Variants in NALF1 observed in about 807,000 individuals in gnomAD.
NALF1 encodes NALCN channel auxiliary factor 1, also known as family with sequence similarity 155 member A.
NALF1 carries 3 observed loss-of-function variants against 48.4 expected under a neutral mutation model. That is an observed-to-expected ratio of 0.06 (90% confidence interval 0.03 to 0.16). The LOEUF (loss-of-function observed/expected upper bound fraction) is 0.16. NALF1 is among the 10% of genes least tolerant of loss of function. The probability of loss-of-function intolerance (pLI) is 1.00; values close to 1 mark genes in which losing one functional copy is unlikely to be tolerated. For missense variants in NALF1, 526 were observed against 571.5 expected (o/e 0.92, Z 0.81); for synonymous variants, 262 against 245.7 (o/e 1.07, Z -0.62).
At chr13:107,506,797 G>T (rs1594100304) in intron 1 of NALF1, among the ~76,000 whole-genome samples, 2 of 151,796 alleles carry the variant, frequency 1.3e-5, no homozygotes, top group Admixed American at 6.6e-5. Context: ...TGGACATGTG[G>T]ATCATTTCTA....
chr13:107,647,092 G>T (rs4474564), intron 1 of NALF1, among the ~76,000 whole-genome samples: 1 of 151,888 alleles, frequency 6.6e-6, no homozygotes, highest in Non-Finnish European at 1.5e-5. Flanking sequence ...TAAAGAGACT[G>T]GTTAAATACA....
intron 1 of NALF1, among the ~76,000 whole-genome samples, chr13:107,744,073 G>A (rs184202193): frequency 1.3e-5 from 2 of 152,228 alleles, no homozygotes; most frequent in Admixed American, 1.3e-4. Flanking sequence ...AAAAGACAGA[G>A]GTATATATTA....
intron 1 of NALF1, among the ~76,000 whole-genome samples, chr13:107,578,681 G>C (rs921234972): frequency 1.3e-5 from 2 of 151,820 alleles, no homozygotes; most frequent in Non-Finnish European, 2.9e-5. Context: ...ATTTTTACCT[G>C]TGTTCCATAG....
intron 1 of NALF1, among the ~76,000 whole-genome samples, chr13:107,705,176 G>A (rs939125611): frequency 1.3e-4 from 20 of 152,300 alleles, no homozygotes; most frequent in African/African-American, 4.3e-4. Flanking sequence ...TCAAGACACT[G>A]TAAATTGGTG....
intron 1 of NALF1, among the ~76,000 whole-genome samples, chr13:107,847,359 T>G (rs1050926408): frequency 6.6e-6 from 1 of 152,240 alleles, no homozygotes; most frequent in African/African-American, 2.4e-5. Context: ...GTAACGGATG[T>G]GCAAACAGTC....
chr13:107,831,789 C>T (rs1879740516), intron 1 of NALF1, among the ~76,000 whole-genome samples: 1 of 152,142 alleles, frequency 6.6e-6, no homozygotes, highest in Admixed American at 6.5e-5. Context: ...CAATGTATGC[C>T]ACCTCTCATC....
chr13:107,177,553 C>G (rs1878963452), intron 2 of NALF1, among the ~76,000 whole-genome samples: 2 of 151,468 alleles, frequency 1.3e-5, no homozygotes, highest in Non-Finnish European at 2.9e-5. Flanking sequence ...GACACATAGA[C>G]CAATGGAACA....
intron 1 of NALF1, among the ~76,000 whole-genome samples, chr13:107,525,482 A>G (rs1876400187): frequency 6.6e-6 from 1 of 152,110 alleles, no homozygotes; most frequent in Non-Finnish European, 1.5e-5. Context: ...AGAATTTCAT[A>G]GTATAGTTGT....
intron 1 of NALF1, among the ~76,000 whole-genome samples, chr13:107,643,622 G>A (rs1880225513): frequency 6.6e-6 from 1 of 151,790 alleles, no homozygotes; most frequent in East Asian, 1.9e-4. Flanking sequence ...AAAGGGGGAG[G>A]ATTATTAGAA....
chr13:107,401,754 G>A (rs1883811931), intron 1 of NALF1, among the ~76,000 whole-genome samples: 1 of 151,664 alleles, frequency 6.6e-6, no homozygotes, highest in African/African-American at 2.4e-5. Flanking sequence ...CAGCCGAAAT[G>A]GCACGTGGTT....
At chr13:107,605,419 G>A (rs762804364) in intron 1 of NALF1, among the ~76,000 whole-genome samples, 8 of 152,030 alleles carry the variant, frequency 5.3e-5, no homozygotes, top group Non-Finnish European at 1.2e-4. Context: ...TAACTAATTC[G>A]GGACTTGGCT....
intron 1 of NALF1, among the ~76,000 whole-genome samples, chr13:107,821,253 T>A (rs1374724653): frequency 3.3e-5 from 5 of 152,206 alleles, no homozygotes; most frequent in African/African-American, 1.2e-4. Flanking sequence ...TATACCCCAA[T>A]ACCTTTCAAC....
At chr13:107,695,804 G>A (rs905538782) in intron 1 of NALF1, among the ~76,000 whole-genome samples, 23 of 151,930 alleles carry the variant, frequency 1.5e-4, no homozygotes, top group African/African-American at 5.6e-4. Context: ...ATAAGATGCA[G>A]TTTTCAGCAC....
rs111671918 is a variant in NALF1, at chr13:107,567,183, A to C, written c.915+298499T>G. ...TTATTTTTTAAAAACTCAGTTTCAT[A>C]TATTTGTTTTAAAATTAAAATGAGC... On this transcript the variant is annotated intron_variant, in intron 1 of 2. Transcript: ENST00000375915. Among the ~76,000 whole-genome samples the C allele has an allele frequency of 3.5e-3, 528 of 152,278 alleles. 5 individuals are homozygous for C. Among genetic ancestry groups the C allele is most frequent in the African/African-American group, 0.011 (478 of 41,572 alleles).
chr13:107,253,261 A>G (rs1880741138), intron 1 of NALF1, among the ~76,000 whole-genome samples: 1 of 151,566 alleles, frequency 6.6e-6, no homozygotes, highest in Admixed American at 6.6e-5. Flanking sequence ...TCATCAAGTG[A>G]TAACTTTGTT....
intron 1 of NALF1, among the ~76,000 whole-genome samples, chr13:107,674,816 G>T (rs150878625): frequency 2.2e-4 from 34 of 152,244 alleles, no homozygotes; most frequent in African/African-American, 6.0e-4. Flanking sequence ...AGTCCAGGGT[G>T]GCAAAAGTGA....
chr13:107,464,499 A>C (rs1884968710), intron 1 of NALF1, among the ~76,000 whole-genome samples: 1 of 152,086 alleles, frequency 6.6e-6, no homozygotes, highest in African/African-American at 2.4e-5. Context: ...GCCATTGTTT[A>C]AATAAATGCA....
chr13:107,419,533 A>G (rs1207051415), intron 1 of NALF1, among the ~76,000 whole-genome samples: 1 of 152,206 alleles, frequency 6.6e-6, no homozygotes, highest in African/African-American at 2.4e-5. Context: ...GAAAGTCTAG[A>G]TCAGAAAGCC....
At chr13:107,310,536 T>C (rs183013782) in intron 1 of NALF1, among the ~76,000 whole-genome samples, 11 of 152,072 alleles carry the variant, frequency 7.2e-5, no homozygotes, top group South Asian at 2.1e-4. Flanking sequence ...ATCAAATATA[T>C]AGTAGAAAGG....
Sources: gnomAD v4.1 joint callset for allele counts (sites outside exome capture counted in the v4.1 genomes callset) on GRCh38, gnomAD v4.1.1 for gene constraint, MANE v1.5 for transcripts, NCBI Gene and HGNC (gene_info 2026-07-23, HGNC 2026-07-21) for gene names.